Variants in NANS observed in about 807,000 individuals in gnomAD.
NANS encodes N-acetylneuraminate-9-phosphate synthase.
A neutral mutation model predicts 33.3 loss-of-function variants in NANS; 29 were observed. That is an observed-to-expected ratio of 0.87 (90% CI 0.65 to 1.19). The LOEUF (loss-of-function observed/expected upper bound fraction) is 1.19. Among genes scored for constraint, NANS ranks in the 50% most tolerant of loss-of-function variants. The probability of loss-of-function intolerance (pLI) is 0.00; values close to 1 mark genes in which losing one functional copy is unlikely to be tolerated. For missense variants in NANS, 394 were observed against 461.1 expected (o/e 0.85, Z 1.33); for synonymous variants, 163 against 177.2 (o/e 0.92, Z 0.64).
intron 4 of NANS, among the ~76,000 whole-genome samples, chr9:98,079,317 T>TA (rs561811705): frequency 6.6e-4 from 101 of 152,310 alleles, no homozygotes; most frequent in Non-Finnish European, 9.7e-4. Flanking sequence ...TTAAAACTAT[T>TA]ATAGTAACAT....
intron 5 of NANS, chr9:98,081,878 A>G (rs1025384979): frequency 3.3e-5 from 5 of 152,204 alleles, no homozygotes; most frequent in Admixed American, 3.3e-4. Flanking sequence ...AATAAAGTAA[A>G]AAGAAATAGT....
intron 2 of NANS, among the ~76,000 whole-genome samples, chr9:98,065,369 A>G (rs1434522279): frequency 7.3e-6 from 1 of 136,752 alleles, no homozygotes; most frequent in African/African-American, 3.1e-5. Context: ...CTGGAGTGCA[A>G]TCAATGGTGC....
intron 2 of NANS, chr9:98,074,635 T>C (rs1272654834): frequency 6.6e-6 from 1 of 152,172 alleles, no homozygotes; most frequent in Non-Finnish European, 1.5e-5. Flanking sequence ...AATTGGCCTT[T>C]TTCTTTACTT....
Position 98,057,921 on chromosome 9 carries a change from G to GTTTTTTTTTT in NANS, c.132+981_132+982insTTTTTTTTTT, listed in dbSNP as rs1491129722. On this transcript the variant is annotated intron_variant, in intron 1 of 5. Coordinates refer to ENST00000210444, the MANE Select transcript of NANS (RefSeq NM_018946.4). ...CTTACTGTTTTTTTTTTTTTTTCCTGGTTTTTTTTTTTTTTTTTTTTGAGA... is the reference window on the plus strand; with the variant it reads ...CTTACTGTTTTTTTTTTTTTTTCCTGTTTTTTTTTTGTTTTTTTTTTTTTTTTTTTTGAGA... Among the ~76,000 whole-genome samples, 4 of 87,476 alleles carry GTTTTTTTTTT rather than the reference G, an allele frequency of 4.6e-5. 1 individual carries two copies. Among genetic ancestry groups the GTTTTTTTTTT allele is most frequent in the Admixed American group, 2.6e-4 (2 of 7,648 alleles). 57.4% of individuals were successfully genotyped at this position (87,476 alleles called of 152,430 possible).
At chr9:98,058,897 G>A (rs1328102655) in intron 1 of NANS, among the ~76,000 whole-genome samples, 1 of 152,146 alleles carries the variant, frequency 6.6e-6, no homozygotes, top group African/African-American at 2.4e-5. Context: ...GAGCTCTGTT[G>A]CCCAAGGTCA....
chr9:98,071,701 T>C (rs1829344514), intron 2 of NANS, among the ~76,000 whole-genome samples: 1 of 152,166 alleles, frequency 6.6e-6, no homozygotes, highest in South Asian at 2.1e-4. Flanking sequence ...ACCATTTCAT[T>C]TTCCGTGTGT....
chr9:98,063,409 ATTT>A (rs564085350), intron 2 of NANS, among the ~76,000 whole-genome samples: 24 of 148,390 alleles, frequency 1.6e-4, no homozygotes, highest in Non-Finnish European at 2.7e-4. Flanking sequence ...GCCCAGCTAA[ATTT>A]TGTATTTTTA....
chr9:98,062,692 T>G (rs1197988347), intron 2 of NANS, among the ~76,000 whole-genome samples: 1 of 151,948 alleles, frequency 6.6e-6, no homozygotes, highest in Non-Finnish European at 1.5e-5. Context: ...CTTAAAGATT[T>G]TAATAGCAAC....
intron 2 of NANS, among the ~76,000 whole-genome samples, chr9:98,062,785 T>G (rs550867048): frequency 8.7e-5 from 13 of 150,228 alleles, no homozygotes; most frequent in African/African-American, 3.2e-4. Flanking sequence ...CAGTTTTTTT[T>G]TTTTTTTTTT....
intron 2 of NANS, chr9:98,076,171 T>C (rs1013363165): frequency 6.6e-6 from 1 of 152,152 alleles, no homozygotes; most frequent in Non-Finnish European, 1.5e-5. Flanking sequence ...AAAAAAATGC[T>C]CCATTTTCCC....
chr9:98,083,035 G>C lies in NANS; in HGVS notation c.1060G>C (p.Gly354Arg). ...CATGGAAGAATTGGTAGATAATCAT[G>C]GCAAAAAAATCAAGTCTTAAAAATA... Reference protein sequence around the residue: ...TIMEELVDNHGKKIKS With the variant: ...TIMEELVDNHRKKIKS The change falls in exon 6 of 6, where the codon GGC becomes CGC. Residue 354 changes from glycine to arginine, a missense_variant. Physicochemically the swap from Gly to Arg is moderately radical, Grantham distance 125. Coordinates refer to ENST00000210444, the MANE Select transcript of NANS (RefSeq NM_018946.4). 1 of 1,613,782 alleles carries C rather than the reference G, an allele frequency of 6.2e-7. No homozygotes were observed. The highest frequency in any genetic ancestry group is 1.3e-5 in the African/African-American group (1 of 74,988).
rs150745575 is a variant in NANS, at chr9:98,079,744, G to A, written c.604-1072G>A. Among the ~76,000 whole-genome samples, 7 of 152,264 alleles carry A rather than the reference G, an allele frequency of 4.6e-5. No homozygotes were observed. In the East Asian group the frequency reaches 1.2e-3, roughly 25 times the overall value. ...CCGTCCCCACTCAAGGTGCTGTCAT[G>A]TCCTCTCTCTTGACACTACACATTG... On this transcript the variant is annotated intron_variant, in intron 4 of 5. Coordinates refer to ENST00000210444, the MANE Select transcript of NANS (RefSeq NM_018946.4).
chr9:98,070,199 C>T (rs1032523541), intron 2 of NANS, among the ~76,000 whole-genome samples: 6 of 152,164 alleles, frequency 3.9e-5, no homozygotes, highest in African/African-American at 1.4e-4. Context: ...CTCACTGTAA[C>T]CTTCGCCTCC....
rs528493368 is a variant in NANS at position 98,062,621 on chromosome 9, C to T, written c.348+1624C>T. Among the ~76,000 whole-genome samples the T allele has an allele frequency of 4.6e-5, 7 of 152,200 alleles. No individual in the cohort carries two copies. The South Asian group carries it at 8.3e-4, about 18-fold the overall frequency. ...CCTGCTGGTACTATTTAGTGAACATCGAGTTCTGTGCCTGCTTGTTTTAGT... is the reference window on the plus strand; with the variant it reads ...CCTGCTGGTACTATTTAGTGAACATTGAGTTCTGTGCCTGCTTGTTTTAGT... On this transcript the variant is annotated intron_variant, in intron 2 of 5. Transcript: ENST00000210444.
chr9:98,070,341 C>G (rs905049508), intron 2 of NANS, among the ~76,000 whole-genome samples: 4 of 152,148 alleles, frequency 2.6e-5, no homozygotes, highest in Non-Finnish European at 5.9e-5. Flanking sequence ...TGGTCTTGAA[C>G]TCCTGACCTC....
chr9:98,063,058 TC>T (rs1829031905), intron 2 of NANS, among the ~76,000 whole-genome samples: 1 of 151,572 alleles, frequency 6.6e-6, no homozygotes, highest in Non-Finnish European at 1.5e-5. Context: ...TGTCTCAGTC[TC>T]CCAAGTATGC....
chr9:98,074,456 T>A (rs927555305), intron 2 of NANS, among the ~76,000 whole-genome samples: 12 of 152,190 alleles, frequency 7.9e-5, no homozygotes, highest in Non-Finnish European at 1.6e-4. Flanking sequence ...CAGCCTGTAG[T>A]AGCCCCTAGG....
Position 98,056,814 on chromosome 9 carries a change from G to A in NANS, c.6G>A (p.Pro2=). The change falls in exon 1 of 6, where the codon CCG becomes CCA. Residue 2 remains proline, a synonymous_variant. Transcript: ENST00000210444. Reference sequence around the variant, plus strand: ...TTGGACCCCGAGCCGCTGCAATGCCGCTGGAGCTGGAGCTGTGTCCCGGGC... The same window carrying A: ...TTGGACCCCGAGCCGCTGCAATGCCACTGGAGCTGGAGCTGTGTCCCGGGC... M[P]LELELCPGRW... 1 of 1,611,116 alleles carries A rather than the reference G, an allele frequency of 6.2e-7. No individual in the cohort carries two copies. The highest frequency in any genetic ancestry group is 8.5e-7 in the Non-Finnish European group (1 of 1,179,060).
intron 2 of NANS, among the ~76,000 whole-genome samples, chr9:98,064,613 A>C (rs560317961): frequency 4.6e-5 from 7 of 152,274 alleles, no homozygotes; most frequent in Non-Finnish European, 1.0e-4. Flanking sequence ...ACATACAGTA[A>C]TATATTTTAT....
Sources: gnomAD v4.1 joint callset for allele counts (sites outside exome capture counted in the v4.1 genomes callset) on GRCh38, gnomAD v4.1.1 for gene constraint, MANE v1.5 for transcripts, NCBI Gene and HGNC (gene_info 2026-07-23, HGNC 2026-07-21) for gene names.